RCAN1: variants seen among roughly 807,000 people sequenced by gnomAD.
RCAN1 encodes the protein calcipressin-1.
RCAN1 carries 11 observed loss-of-function variants against 22.9 expected under a neutral mutation model. That is an observed-to-expected ratio of 0.48 (90% CI 0.30 to 0.79). The LOEUF (loss-of-function observed/expected upper bound fraction) is 0.79. Among genes scored for constraint, RCAN1 ranks in the 30% least tolerant of loss-of-function variants. The pLI is 0.06. For missense variants in RCAN1, 291 were observed against 337.8 expected, an observed-to-expected ratio of 0.86 and a Z score of 1.09; for synonymous variants, 136 against 142.3, an observed-to-expected ratio of 0.96 and a Z score of 0.32.
chr21:34,571,100 C>G (rs1472856036), intron 1 of RCAN1, among the ~76,000 whole-genome samples: 1 of 152,056 alleles, frequency 6.6e-6, no homozygotes, highest in Non-Finnish European at 1.5e-5. Flanking sequence ...TCGAGACCAG[C>G]CTGACCAACA....
At chr21:34,593,854 G>C (rs1988054917) in intron 1 of RCAN1, among the ~76,000 whole-genome samples, 1 of 152,192 alleles carries the variant, frequency 6.6e-6, no homozygotes, top group Non-Finnish European at 1.5e-5. Flanking sequence ...CTAAAGAAGT[G>C]GTCTATGCCT....
chr21:34,609,394 A>C (rs1033431462), intron 1 of RCAN1, among the ~76,000 whole-genome samples: 1 of 152,150 alleles, frequency 6.6e-6, no homozygotes, highest in Non-Finnish European at 1.5e-5. Context: ...GACAATGTAC[A>C]CCCAGGGTCT....
intron 1 of RCAN1, among the ~76,000 whole-genome samples, chr21:34,562,859 G>A (rs1288115504): frequency 6.6e-6 from 1 of 152,146 alleles, no homozygotes; most frequent in Non-Finnish European, 1.5e-5. Context: ...CGCACAGTAG[G>A]ATATTCTTAT....
intron 1 of RCAN1, among the ~76,000 whole-genome samples, chr21:34,537,031 C>T (rs1234012909): frequency 1.3e-5 from 2 of 152,334 alleles, no homozygotes; most frequent in East Asian, 3.9e-4. Flanking sequence ...CTGCATTTGG[C>T]CTGCATTCTT....
chr21:34,533,685 C>T (rs1199598896), intron 1 of RCAN1, among the ~76,000 whole-genome samples: 5 of 152,132 alleles, frequency 3.3e-5, no homozygotes, highest in African/African-American at 1.2e-4. Flanking sequence ...GGGTACAATC[C>T]ACAGTATGTT....
chr21:34,556,065 A>AAATAAATAAAT (rs1986553458), intron 1 of RCAN1, among the ~76,000 whole-genome samples: 3 of 108,124 alleles, frequency 2.8e-5, no homozygotes, highest in African/African-American at 7.6e-5. Flanking sequence ...TCCATTTCAA[A>AAATAAATAAAT]AAATAAATAA....
chr21:34,585,803 A>C (rs1397506635), intron 1 of RCAN1, among the ~76,000 whole-genome samples: 8 of 151,906 alleles, frequency 5.3e-5, no homozygotes, highest in Non-Finnish European at 1.5e-5. Context: ...AGGAATATAG[A>C]ACAAGTAGAA....
intron 1 of RCAN1, chr21:34,525,056 G>C: frequency 6.5e-7 from 1 of 1,549,998 alleles, no homozygotes; most frequent in East Asian, 2.4e-5. Flanking sequence ...GGGTGTGGAT[G>C]GTAGGCAGCG....
Position 34,598,513 on chromosome 21 carries a change from A to G in RCAN1, c.252+16247T>C, listed in dbSNP as rs1796726291. Among the ~76,000 whole-genome samples, 3 of 152,218 alleles carry G rather than the reference A, an allele frequency of 2.0e-5. No individual in the cohort carries two copies. The South Asian group carries it at 6.2e-4, about 32-fold the overall frequency. On this transcript the variant is annotated intron_variant, in intron 1 of 3. Transcript: ENST00000313806. Reference sequence around the variant, plus strand: ...TAACATGCAAACGAGAAAACCAGAAATCTAACTCACTCCTCATACCAGAAT... The same window carrying G: ...TAACATGCAAACGAGAAAACCAGAAGTCTAACTCACTCCTCATACCAGAAT...
chr21:34,540,927 G>C (rs1050772116), intron 1 of RCAN1, among the ~76,000 whole-genome samples: 1 of 152,120 alleles, frequency 6.6e-6, no homozygotes, highest in Non-Finnish European at 1.5e-5. Context: ...GGAGGTTGCA[G>C]TGAGCCGAGA....
chr21:34,594,846 T>C (rs1453597751), intron 1 of RCAN1, among the ~76,000 whole-genome samples: 1 of 152,156 alleles, frequency 6.6e-6, no homozygotes, highest in Non-Finnish European at 1.5e-5. Context: ...AACAAGCGCA[T>C]ACCTCACAGG....
Position 34,518,339 on chromosome 21 carries a change from T to C in RCAN1, c.587-83A>G. The C allele has an allele frequency of 6.9e-7, 1 of 1,446,296 alleles. No individual in the cohort carries two copies. 89.6% of individuals were successfully genotyped at this position (1,446,296 alleles called of 1,614,324 possible). A position where few individuals can be genotyped will look rare whatever the true frequency, so the allele number is the denominator to read the frequency against. On this transcript the variant is annotated intron_variant, in intron 3 of 3. Coordinates refer to ENST00000313806, the MANE Select transcript of RCAN1 (RefSeq NM_004414.7). This position sits in a 1 kb window ranked among gnomAD's most constrained non-coding sequence, Gnocchi z 4.2. The stretch of plus-strand genomic sequence containing the variant: ...AAACATAAAAGAGCATTCAGGGCTC[T>C]GCTGGGCCAGCTGCTCGTGACCATT...
At chr21:34,536,904 G>A (rs1432654500) in intron 1 of RCAN1, among the ~76,000 whole-genome samples, 1 of 152,168 alleles carries the variant, frequency 6.6e-6, no homozygotes, top group Non-Finnish European at 1.5e-5. Context: ...TTTTCACCAA[G>A]TGCTGGGAGA....
In RCAN1 at chr21:34,614,645, G is replaced by A. The variant is rs1251360840; in HGVS notation, c.252+115C>T. 10 of 1,134,258 alleles carry A rather than the reference G, an allele frequency of 8.8e-6. No homozygotes were observed. Among genetic ancestry groups the A allele is most frequent in the African/African-American group, 1.7e-5 (1 of 60,538 alleles). 70.3% of individuals were successfully genotyped at this position (1,134,258 alleles called of 1,614,324 possible). A position where few individuals can be genotyped will look rare whatever the true frequency, so the allele number is the denominator to read the frequency against. ...TCCGCGGCCGAGCAGCCCGGGGGAC[G>A]TCGCTGCCTCCCCGCCCCGCGCGCG... On this transcript the variant is annotated intron_variant, in intron 1 of 3. Transcript: ENST00000313806. This position sits in a 1 kb window ranked among gnomAD's most constrained non-coding sequence, Gnocchi z 6.0.
At chr21:34,583,888 T>C (rs1987704980) in intron 1 of RCAN1, among the ~76,000 whole-genome samples, 1 of 152,006 alleles carries the variant, frequency 6.6e-6, no homozygotes, top group African/African-American at 2.4e-5. Context: ...CACCCTCCTA[T>C]ATCACACACA....
intron 1 of RCAN1, chr21:34,559,213 C>G (rs1364971330): frequency 6.6e-6 from 1 of 152,104 alleles, no homozygotes; most frequent in Non-Finnish European, 1.5e-5. Context: ...AAAAATAAAA[C>G]AAAACTTGCC....
intron 1 of RCAN1, among the ~76,000 whole-genome samples, chr21:34,561,582 G>T (rs1204257364): frequency 6.6e-6 from 1 of 152,142 alleles, no homozygotes; most frequent in Non-Finnish European, 1.5e-5. Flanking sequence ...AGCTAGTTTT[G>T]CTTGGCTGGT....
chr21:34,529,064 G>A (rs1985236380), intron 1 of RCAN1, among the ~76,000 whole-genome samples: 3 of 152,060 alleles, frequency 2.0e-5, no homozygotes. Flanking sequence ...TTCTATATCT[G>A]CCTTTGAATT....
At chr21:34,608,324 AC>A (rs968724269) in intron 1 of RCAN1, among the ~76,000 whole-genome samples, 3 of 151,918 alleles carry the variant, frequency 2.0e-5, no homozygotes, top group Non-Finnish European at 2.9e-5. Context: ...TGGTATTTAC[AC>A]CCTTTTGTAA....
Sources: gnomAD v4.1 joint callset for allele counts (sites outside exome capture counted in the v4.1 genomes callset) on GRCh38, gnomAD v4.1.1 for gene constraint, Gnocchi (gnomAD v3.1) non-coding constraint, MANE v1.5 for transcripts, NCBI Gene and HGNC (gene_info 2026-07-23, HGNC 2026-07-21) for gene names.